Variants in RUNX2 observed in about 807,000 individuals in gnomAD.
RUNX2 encodes runt-related transcription factor 2.
A neutral mutation model predicts 51.7 loss-of-function variants in RUNX2; 10 were observed. The ratio of observed to expected loss-of-function variants is 0.19; its 90% confidence interval spans 0.12 to 0.33. The LOEUF (loss-of-function observed/expected upper bound fraction) is 0.33. Ranked by LOEUF, RUNX2 falls within the 10% of genes least tolerant of loss-of-function variation. The pLI, the probability that RUNX2 is intolerant of heterozygous loss-of-function variation, is 1.00. For synonymous variants in RUNX2, 276 were observed against 273.6 expected (o/e 1.01, Z -0.09); for missense variants, 562 against 691.3 (o/e 0.81, Z 2.10).
At chr6:45,404,460 C>T (rs1388216824) in intron 2 of RUNX2, among the ~76,000 whole-genome samples, 1 of 152,092 alleles carries the variant, frequency 6.6e-6, no homozygotes, top group African/African-American at 2.4e-5. Flanking sequence ...GGTGCTTCTT[C>T]TCCTCCCCAT....
chr6:45,331,333 G>C (rs1787467913), intron 2 of RUNX2, among the ~76,000 whole-genome samples: 1 of 151,948 alleles, frequency 6.6e-6, no homozygotes, highest in African/African-American at 2.4e-5. Context: ...TCAGCTGACT[G>C]ATTATCTACA....
chr6:45,388,340 T>A (rs1484369272), intron 2 of RUNX2, among the ~76,000 whole-genome samples: 1 of 152,200 alleles, frequency 6.6e-6, no homozygotes, highest in Non-Finnish European at 1.5e-5. Context: ...AAAGTTTTGT[T>A]GCCACACTAT....
At position 45,512,249 on chromosome 6, in the gene RUNX2, C is replaced by T. The variant is rs148326029; in HGVS notation, c.863C>T (p.Pro288Leu). 18 of 1,613,722 alleles carry T rather than the reference C, an allele frequency of 1.1e-5. No individual in the cohort carries two copies. Among genetic ancestry groups the T allele is most frequent in the Non-Finnish European group, 1.1e-5 (13 of 1,179,988 alleles). The change falls in exon 7 of 9, where the codon CCC becomes CTC. Residue 288 changes from proline to leucine, a missense_variant. By Grantham distance (98) the Pro-to-Leu change is moderately conservative. Transcript: ENST00000647337. ...NPQGQSQITD[P>L]RQAQSSPPWS... ...TTTTTCTTTTTCTTTTTCCCAGACC[C>T]CAGGCAGGCACAGTCTTCCCCGCCG...
intron 2 of RUNX2, among the ~76,000 whole-genome samples, chr6:45,400,479 A>T (rs962203941): frequency 1.3e-5 from 2 of 152,108 alleles, no homozygotes; most frequent in African/African-American, 4.8e-5. Context: ...GTCAACTGGT[A>T]TTTGCCTGTT....
chr6:45,521,656 A>G (rs547617667), intron 7 of RUNX2, among the ~76,000 whole-genome samples: 2 of 152,264 alleles, frequency 1.3e-5, no homozygotes, highest in South Asian at 2.1e-4. Context: ...GACAGCTATC[A>G]TTTCTCATAG....
chr6:45,424,636 A>T (rs1486584290), intron 3 of RUNX2, among the ~76,000 whole-genome samples: 2 of 152,016 alleles, frequency 1.3e-5, no homozygotes, highest in African/African-American at 4.8e-5. Context: ...CCAGTTGTTG[A>T]TCACCCCCAC....
chr6:45,466,408 G>A (rs185854666), intron 5 of RUNX2, among the ~76,000 whole-genome samples: 1 of 152,128 alleles, frequency 6.6e-6, no homozygotes, highest in Non-Finnish European at 1.5e-5. Context: ...TAAATGTGAA[G>A]AAAAAAATGG....
chr6:45,398,443 T>C (rs1273055302), intron 2 of RUNX2, among the ~76,000 whole-genome samples: 1 of 152,252 alleles, frequency 6.6e-6, no homozygotes, highest in Non-Finnish European at 1.5e-5. Context: ...TATTTATATA[T>C]ATAGGCTTTC....
In RUNX2 at chr6:45,541,093, A is replaced by G. The variant is rs572278683; in HGVS notation, c.1022-4124A>G. On this transcript the variant is annotated intron_variant, in intron 7 of 8. Transcript: ENST00000647337. ...TTTTCCTTTTGTGTTAAAACTGTACAGAGTTATTGTACAGAGTTCCCAATC... is the reference window on the plus strand; with the variant it reads ...TTTTCCTTTTGTGTTAAAACTGTACGGAGTTATTGTACAGAGTTCCCAATC... Among the ~76,000 whole-genome samples, 71 of 152,214 alleles carry G rather than the reference A, an allele frequency of 4.7e-4. 2 individuals are homozygous for G. The South Asian group carries it at 0.014, about 31-fold the overall frequency.
chr6:45,416,980 C>T (rs976614247), intron 2 of RUNX2, among the ~76,000 whole-genome samples: 5 of 152,174 alleles, frequency 3.3e-5, no homozygotes, highest in South Asian at 4.1e-4. Context: ...TCTCTTGTTA[C>T]AGCCATGCAA....
chr6:45,471,339 T>C lies in RUNX2; in HGVS notation c.686-20602T>C, dbSNP rs141996783. On this transcript the variant is annotated intron_variant, in intron 5 of 8. Coordinates refer to ENST00000647337, the MANE Select transcript of RUNX2 (RefSeq NM_001024630.4). ...TTTATGGATATAAGTCAGGGAATCA[T>C]CCTCTTTCTAAGTTCCTGAAAAGCA... is the stretch of plus-strand genomic sequence containing the variant. Among the ~76,000 whole-genome samples, 755 of 152,226 alleles carry C rather than the reference T, an allele frequency of 5.0e-3. 7 individuals carry two copies. The highest frequency in any genetic ancestry group is 0.017 in the African/African-American group (712 of 41,510).
intron 6 of RUNX2, among the ~76,000 whole-genome samples, chr6:45,498,911 T>G (rs1189937768): frequency 6.6e-6 from 1 of 152,196 alleles, no homozygotes; most frequent in African/African-American, 2.4e-5. Context: ...AGTGACCACA[T>G]GATTCTTTAA....
chr6:45,362,251 T>A (rs1222809505), intron 2 of RUNX2, among the ~76,000 whole-genome samples: 1 of 152,066 alleles, frequency 6.6e-6, no homozygotes, highest in Non-Finnish European at 1.5e-5. Flanking sequence ...GTGAAACCAT[T>A]CCCCAGAAAT....
chr6:45,371,375 C>T (rs1346358569), intron 2 of RUNX2, among the ~76,000 whole-genome samples: 1 of 149,918 alleles, frequency 6.7e-6, no homozygotes, highest in Non-Finnish European at 1.5e-5. Flanking sequence ...ATAAAGGGTA[C>T]TTCACCAGTA....
chr6:45,475,446 G>A (rs529567035), intron 5 of RUNX2, among the ~76,000 whole-genome samples: 2 of 152,224 alleles, frequency 1.3e-5, no homozygotes, highest in East Asian at 3.9e-4. Context: ...CTTATCCCTG[G>A]CTCCATGTGC....
chr6:45,498,819 A>G (rs868190951), intron 6 of RUNX2, among the ~76,000 whole-genome samples: 8 of 152,218 alleles, frequency 5.3e-5, no homozygotes, highest in South Asian at 2.1e-4. Flanking sequence ...GTCCCGAAAC[A>G]TTTACTAGTG....
At chr6:45,370,052 T>C (rs2150303888) in intron 2 of RUNX2, among the ~76,000 whole-genome samples, 1 of 152,252 alleles carries the variant, frequency 6.6e-6, no homozygotes, top group East Asian at 1.9e-4. Context: ...TTAGAGAATT[T>C]TGAAAAGGGA....
intron 5 of RUNX2, among the ~76,000 whole-genome samples, chr6:45,465,856 G>C (rs1799615329): frequency 6.6e-6 from 1 of 150,770 alleles, no homozygotes; most frequent in Admixed American, 6.6e-5. Flanking sequence ...ATGTTGCCCA[G>C]GCTGGTTTCG....
At chr6:45,448,163 T>C (rs1799057702) in intron 5 of RUNX2, among the ~76,000 whole-genome samples, 2 of 152,224 alleles carry the variant, frequency 1.3e-5, no homozygotes, top group South Asian at 2.1e-4. Context: ...GGAATGTTCC[T>C]GCAGAGGAGA....
Sources: gnomAD v4.1 joint callset for allele counts (sites outside exome capture counted in the v4.1 genomes callset) on GRCh38, gnomAD v4.1.1 for gene constraint, MANE v1.5 for transcripts, NCBI Gene and HGNC (gene_info 2026-07-23, HGNC 2026-07-21) for gene names.